NCKAP5: variants seen among roughly 807,000 people sequenced by gnomAD.
NCKAP5 encodes the protein NCK associated protein 5.
A neutral mutation model predicts 167.0 loss-of-function variants in NCKAP5; 92 were observed. The ratio of observed to expected loss-of-function variants is 0.55; its 90% CI spans 0.47 to 0.66. NCKAP5 has a LOEUF of 0.66. NCKAP5 is among the 30% of genes least tolerant of loss of function. The pLI is 0.00. For missense variants in NCKAP5, 2,378 were observed against 2,315.0 expected (o/e 1.03, Z -0.56); for synonymous variants, 891 against 877.4 (o/e 1.02, Z -0.27).
chr2:133,372,536 G>A (rs1201085380), intron 3 of NCKAP5, among the ~76,000 whole-genome samples: 1 of 152,114 alleles, frequency 6.6e-6, no homozygotes, highest in Non-Finnish European at 1.5e-5. Flanking sequence ...TTCTGTCAGT[G>A]TTAACAGCAT....
chr2:133,027,859 T>A (rs113594563), intron 6 of NCKAP5, among the ~76,000 whole-genome samples: 1,895 of 152,326 alleles, frequency 0.012, 40 homozygotes, highest in African/African-American at 0.043. Flanking sequence ...TTGCATAGTA[T>A]CACTTTGAGT....
At position 133,181,537 on chromosome 2, in the gene NCKAP5, T is replaced by C. The variant is rs1159220585; in HGVS notation, c.207+32179A>G. Among the ~76,000 whole-genome samples, 8 of 135,712 alleles carry C rather than the reference T, an allele frequency of 5.9e-5. No homozygotes were observed. In the East Asian group the frequency reaches 1.8e-3, roughly 31 times the overall value. The allele number at this position is 135,712 out of a possible 152,430, so 89.0% of individuals were successfully genotyped here. A position where few individuals can be genotyped will look rare whatever the true frequency, so the allele number is the denominator to read the frequency against. ...ATCATATTTCTCTGGGAGGCTGAGC[T>C]GGGCAGGTCGTTTGAGCCCAGGGGT... On this transcript the variant is annotated intron_variant, in intron 5 of 19. Transcript: ENST00000409261.
intron 5 of NCKAP5, among the ~76,000 whole-genome samples, chr2:133,136,896 G>A (rs949914215): frequency 7.2e-5 from 11 of 152,192 alleles, no homozygotes; most frequent in Admixed American, 5.9e-4. Context: ...AGAATTACAC[G>A]GAGACCCAGA....
chr2:132,719,507 C>A (rs1410651068), intron 19 of NCKAP5, among the ~76,000 whole-genome samples: 1 of 152,126 alleles, frequency 6.6e-6, no homozygotes, highest in African/African-American at 2.4e-5. Context: ...GGGTGATGGA[C>A]AACCCTCGAA....
the NCKAP5 span, among the ~76,000 whole-genome samples, chr2:133,660,496 AT>A: frequency 1.3e-5 from 2 of 152,156 alleles, no homozygotes; most frequent in Non-Finnish European, 2.9e-5. Context: ...ATTGCATGCA[AT>A]TTTTTAAAAC....
intron 4 of NCKAP5, among the ~76,000 whole-genome samples, chr2:133,280,596 A>G (rs954909672): frequency 3.9e-5 from 6 of 152,162 alleles, no homozygotes; most frequent in Admixed American, 1.3e-4. Flanking sequence ...ACATGGGCAC[A>G]GGAAATCAAA....
intron 3 of NCKAP5, among the ~76,000 whole-genome samples, chr2:133,508,224 G>A (rs1187490524): frequency 6.6e-6 from 1 of 152,270 alleles, no homozygotes; most frequent in South Asian, 2.1e-4. Flanking sequence ...CATTCTTTTA[G>A]ACACTGTGGC....
At chr2:133,450,415 A>G (rs899030868) in intron 3 of NCKAP5, among the ~76,000 whole-genome samples, 1 of 152,190 alleles carries the variant, frequency 6.6e-6, no homozygotes, top group Non-Finnish European at 1.5e-5. Flanking sequence ...GATGACCTCC[A>G]TCATTCCATT....
chr2:132,956,127 T>C (rs2076335418), intron 8 of NCKAP5, among the ~76,000 whole-genome samples: 1 of 152,222 alleles, frequency 6.6e-6, no homozygotes, highest in African/African-American at 2.4e-5. Context: ...TATGAGGTGA[T>C]GGATATGTTA....
chr2:132,950,147 C>A lies in NCKAP5; in HGVS notation c.579+13573G>T, dbSNP rs755974370. Among the ~76,000 whole-genome samples the A allele has an allele frequency of 4.6e-5, 7 of 152,052 alleles. No individual in the cohort carries two copies. In the East Asian group the frequency reaches 1.3e-3, roughly 29 times the overall value. On this transcript the variant is annotated intron_variant, in intron 8 of 19. Transcript: ENST00000409261. ...AAATTACTTTAGTCTGTTCACTACA[C>A]CTTTACTCCTAGATTGTATCTTACT... is the stretch of plus-strand genomic sequence containing the variant.
chr2:132,995,182 TTTTC>T (rs1489028306), intron 6 of NCKAP5, among the ~76,000 whole-genome samples: 1 of 152,134 alleles, frequency 6.6e-6, no homozygotes, highest in Non-Finnish European at 1.5e-5. Flanking sequence ...TAAAAAATAT[TTTTC>T]TTTCTTCAAT....
At chr2:132,994,405 G>C (rs1439948282) in intron 6 of NCKAP5, among the ~76,000 whole-genome samples, 166 bp from the exon 7 acceptor site, 1 of 152,036 alleles carries the variant, frequency 6.6e-6, no homozygotes, top group Non-Finnish European at 1.5e-5. Flanking sequence ...GAAGTCCTTT[G>C]CAACCATTCT....
intron 4 of NCKAP5, among the ~76,000 whole-genome samples, chr2:133,294,900 T>C (rs1679852753): frequency 6.6e-6 from 1 of 152,232 alleles, no homozygotes; most frequent in Admixed American, 6.5e-5. Flanking sequence ...GATCTTCTTC[T>C]GACTAGGGAC....
At chr2:133,371,089 C>T (rs1685777736) in intron 3 of NCKAP5, among the ~76,000 whole-genome samples, 1 of 152,166 alleles carries the variant, frequency 6.6e-6, no homozygotes, top group African/African-American at 2.4e-5. Context: ...AAATAAGAAG[C>T]AGGGTCTACA....
chr2:133,158,283 C>T (rs761324870), intron 5 of NCKAP5, among the ~76,000 whole-genome samples: 1 of 152,066 alleles, frequency 6.6e-6, no homozygotes, highest in Admixed American at 6.5e-5. Context: ...GTAATGTGGG[C>T]AAATATGAAG....
chr2:133,335,759 T>C (rs1330570856), intron 3 of NCKAP5, among the ~76,000 whole-genome samples: 1 of 152,192 alleles, frequency 6.6e-6, no homozygotes, highest in Non-Finnish European at 1.5e-5. Context: ...TTATGAAAAT[T>C]ATTGCCATCT....
chr2:132,881,984 C>CAT (rs966551184), intron 8 of NCKAP5, among the ~76,000 whole-genome samples: 4 of 152,146 alleles, frequency 2.6e-5, no homozygotes, highest in Admixed American at 2.6e-4. Context: ...TATGAGTTGA[C>CAT]ATTCTTCCAT....
intron 7 of NCKAP5, among the ~76,000 whole-genome samples, chr2:132,990,478 T>G (rs2077418587): frequency 6.6e-6 from 1 of 152,190 alleles, no homozygotes; most frequent in African/African-American, 2.4e-5. Context: ...CCTCAAAACA[T>G]GTTCACTTCC....
At chr2:133,273,894 T>TA (rs149933236) in intron 4 of NCKAP5, among the ~76,000 whole-genome samples, 3 of 136,346 alleles carry the variant, frequency 2.2e-5, no homozygotes, top group African/African-American at 5.5e-5. Context: ...ATTCAGGGTT[T>TA]AAAAAAAAAT....
Sources: gnomAD v4.1 joint callset for allele counts (sites outside exome capture counted in the v4.1 genomes callset) on GRCh38, gnomAD v4.1.1 for gene constraint, MANE v1.5 for transcripts, NCBI Gene and HGNC (gene_info 2026-07-23, HGNC 2026-07-21) for gene names.